The following ARHGAP17 variants were observed in gnomAD, a reference collection of about 807,000 sequenced individuals.
ARHGAP17 encodes Rho GTPase activating protein 17.
A neutral mutation model predicts 99.5 loss-of-function variants in ARHGAP17; 57 were observed. The ratio of observed to expected loss-of-function variants is 0.57; its 90% CI spans 0.46 to 0.71. The LOEUF is 0.71. Among genes scored for constraint, ARHGAP17 ranks in the 30% least tolerant of loss-of-function variants. The pLI, the probability that ARHGAP17 is intolerant of heterozygous loss-of-function variation, is 0.00. For missense variants in ARHGAP17, 1,000 were observed against 1,122.4 expected (o/e 0.89, Z 1.56); for synonymous variants, 417 against 429.6 (o/e 0.97, Z 0.36).
At chr16:25,010,824 T>C (rs142918689) in intron 1 of ARHGAP17, among the ~76,000 whole-genome samples, 3 of 152,210 alleles carry the variant, frequency 2.0e-5, no homozygotes, top group Non-Finnish European at 4.4e-5. Context: ...GGCCTTCACA[T>C]GGCCCAAAGC....
chr16:24,937,745 CACA>C (rs1328184402), intron 17 of ARHGAP17, among the ~76,000 whole-genome samples: 2 of 152,198 alleles, frequency 1.3e-5, no homozygotes, highest in Non-Finnish European at 2.9e-5. Context: ...CAGCTTCACA[CACA>C]ACAAGGCTCT....
At chr16:24,926,370 C>A (rs1171119163) in intron 19 of ARHGAP17, among the ~76,000 whole-genome samples, 1 of 152,050 alleles carries the variant, frequency 6.6e-6, no homozygotes, top group Non-Finnish European at 1.5e-5. Flanking sequence ...AAGCAGTTCT[C>A]CTGCCTTGGC....
intron 1 of ARHGAP17, among the ~76,000 whole-genome samples, chr16:24,981,299 G>C (rs998435199): frequency 6.6e-6 from 1 of 152,006 alleles, no homozygotes; most frequent in African/African-American, 2.4e-5. Context: ...AACGAGGCAA[G>C]TATTAACTTC....
At chr16:24,996,604 C>A (rs2053199144) in intron 1 of ARHGAP17, among the ~76,000 whole-genome samples, 1 of 152,174 alleles carries the variant, frequency 6.6e-6, no homozygotes, top group African/African-American at 2.4e-5. Context: ...AAGGTGCTAG[C>A]TCCTTGTAGG....
At chr16:24,958,367 A>G (rs2051875232) in intron 9 of ARHGAP17, among the ~76,000 whole-genome samples, 1 of 152,176 alleles carries the variant, frequency 6.6e-6, no homozygotes, top group African/African-American at 2.4e-5. Flanking sequence ...ATTTTGTCCT[A>G]TGCGGGGCCC....
chr16:24,945,907 A>G (rs1039751593), intron 14 of ARHGAP17, among the ~76,000 whole-genome samples: 2 of 152,226 alleles, frequency 1.3e-5, no homozygotes, highest in South Asian at 4.1e-4. Context: ...TAAGCAAATT[A>G]CTTTTTCTTT....
chr16:24,981,471 G>A (rs910810782), intron 1 of ARHGAP17, among the ~76,000 whole-genome samples: 1 of 152,080 alleles, frequency 6.6e-6, no homozygotes, highest in African/African-American at 2.4e-5. Context: ...GAGGGAAAGG[G>A]CCCTAAACCC....
intron 9 of ARHGAP17, 130 bp downstream of exon 9, chr16:24,959,541 A>G: frequency 1.2e-6 from 1 of 826,310 alleles, no homozygotes; most frequent in South Asian, 2.0e-5. Flanking sequence ...TTATGCTGGG[A>G]AACAGTACCC....
At chr16:24,947,216 G>A (rs1020236215) in intron 14 of ARHGAP17, among the ~76,000 whole-genome samples, 3 of 152,126 alleles carry the variant, frequency 2.0e-5, no homozygotes, top group Non-Finnish European at 4.4e-5. Context: ...TCTTATCACT[G>A]TACTGTAGCC....
intron 19 of ARHGAP17, among the ~76,000 whole-genome samples, chr16:24,925,102 G>C (rs1310406076): frequency 6.6e-6 from 1 of 152,134 alleles, no homozygotes; most frequent in Non-Finnish European, 1.5e-5. Context: ...GATGGGGCCA[G>C]GTGCGGTGGC....
Position 24,939,605 on chromosome 16 carries a change from G to A in ARHGAP17, c.1491-8C>T. The stretch of plus-strand genomic sequence containing the variant: ...ATAAGCTTCACACCAAAGCTACACA[G>A]AGAGAAGAAACAGTCAACACACCAT... On this transcript the variant is annotated splice_region_variant and splice_polypyrimidine_tract_variant and intron_variant, in intron 16 of 19. Coordinates refer to ENST00000289968, the MANE Select transcript of ARHGAP17 (RefSeq NM_001006634.3). 6.3e-7 allele frequency: 1 copy of A among 1,597,710 alleles called. No homozygotes were observed.
At chr16:24,952,880 T>C in intron 11 of ARHGAP17, 51 bp downstream of exon 11, 3 of 1,555,706 alleles carry the variant, frequency 1.9e-6, no homozygotes, top group Non-Finnish European at 2.7e-6. Flanking sequence ...AGACAGAACC[T>C]GCCCACCGCC....
At chr16:24,941,295 A>G (rs1295411632) in intron 16 of ARHGAP17, among the ~76,000 whole-genome samples, 1 of 152,234 alleles carries the variant, frequency 6.6e-6, no homozygotes, top group East Asian at 1.9e-4. Context: ...CAGGCCTCTT[A>G]ACTGTTAGCA....
At position 24,935,452 on chromosome 16, in the gene ARHGAP17, A is replaced by G. The variant is rs983168416; in HGVS notation, c.1894+18T>C. 2 of 1,569,672 alleles carry G rather than the reference A, an allele frequency of 1.3e-6. No homozygotes were observed. The highest frequency in any genetic ancestry group is 1.7e-6 in the Non-Finnish European group (2 of 1,156,702). The stretch of plus-strand genomic sequence containing the variant: ...TGCACAGGCTTCCCTGAGGGCAAGG[A>G]GGACGGTGGCTGCTTACCTCGGCGC... On this transcript the variant is annotated intron_variant, in intron 18 of 19. Transcript: ENST00000289968.
At chr16:25,001,646 C>CT (rs2053362411) in intron 1 of ARHGAP17, among the ~76,000 whole-genome samples, 3 of 152,196 alleles carry the variant, frequency 2.0e-5, no homozygotes, top group African/African-American at 7.2e-5. Flanking sequence ...CCTTGAACTC[C>CT]TGGCCTCAAG....
In ARHGAP17 at chr16:25,015,168, C is replaced by T. The variant is rs201764289; in HGVS notation, c.53+41G>A. ...GCCCCCGCGCCCTCCGCCCTCCGCC[C>T]CCAGCCCCGGTGCGACCCCCGTGCT... On this transcript the variant is annotated intron_variant, in intron 1 of 19. Transcript: ENST00000289968. 1.2e-3 allele frequency: 1,534 copies of T among 1,257,378 alleles called. 21 individuals carry two copies. The South Asian group carries it at 0.031, about 25-fold the overall frequency. The allele number at this position is 1,257,378 out of a possible 1,614,324, so 77.9% of individuals were successfully genotyped here.
At chr16:24,943,020 C>CA (rs1258429358) in intron 15 of ARHGAP17, among the ~76,000 whole-genome samples, 2 of 152,084 alleles carry the variant, frequency 1.3e-5, no homozygotes, top group Non-Finnish European at 2.9e-5. Context: ...AGATGGGTAT[C>CA]ATGGGGCTTG....
intron 7 of ARHGAP17, among the ~76,000 whole-genome samples, chr16:24,963,452 G>A (rs531339313): frequency 1.3e-4 from 20 of 151,924 alleles, no homozygotes; most frequent in Non-Finnish European, 2.4e-4. Context: ...AATATTAGCA[G>A]GAAATAAAAA....
At chr16:24,948,616 G>A (rs867797898) in intron 13 of ARHGAP17, among the ~76,000 whole-genome samples, 1 of 152,024 alleles carries the variant, frequency 6.6e-6, no homozygotes, top group African/African-American at 2.4e-5. Flanking sequence ...TCCAAGGTGG[G>A]TGAGTTAAAT....
Sources: allele counts gnomAD v4.1 joint callset (sites outside exome capture counted in the v4.1 genomes callset), GRCh38; gene constraint gnomAD v4.1.1; transcripts MANE v1.5; gene names NCBI Gene and HGNC (gene_info 2026-07-23, HGNC 2026-07-21).